DENND4A: variants seen among roughly 807,000 people sequenced by gnomAD.
DENND4A encodes C-myc promoter-binding protein.
Under a neutral mutation model 199.3 loss-of-function variants are expected in DENND4A, and 70 were observed. The observed-to-expected ratio is 0.35, with a 90% CI of 0.29 to 0.43. DENND4A has a LOEUF of 0.43. DENND4A is among the 20% of genes least tolerant of loss of function. The pLI, the probability that DENND4A is intolerant of heterozygous loss-of-function variation, is 1.00. For missense variants in DENND4A, 1,723 were observed against 2,255.8 expected (o/e 0.76, Z 4.78); for synonymous variants, 686 against 766.9 (o/e 0.89, Z 1.74).
chr15:65,756,672 G>A (rs1163996499), intron 2 of DENND4A, among the ~76,000 whole-genome samples, 200 bp from the exon 3 acceptor site: 1 of 152,166 alleles, frequency 6.6e-6, no homozygotes, highest in Non-Finnish European at 1.5e-5. Flanking sequence ...AAAAGTAATG[G>A]ATGAATTCCC....
intron 24 of DENND4A, among the ~76,000 whole-genome samples, chr15:65,675,369 A>C (rs943084772): frequency 6.6e-6 from 1 of 152,176 alleles, no homozygotes; most frequent in African/African-American, 2.4e-5. Flanking sequence ...CATCTTAAGG[A>C]AAGAAAAACC....
At chr15:65,708,871 G>C (rs769368309) in intron 14 of DENND4A, among the ~76,000 whole-genome samples, 5 of 152,058 alleles carry the variant, frequency 3.3e-5, no homozygotes, top group Non-Finnish European at 7.4e-5. Context: ...AAGAACACAT[G>C]GTTCTTAAAT....
chr15:65,786,233 A>T (rs1482922597), intron 1 of DENND4A, among the ~76,000 whole-genome samples: 1 of 152,250 alleles, frequency 6.6e-6, no homozygotes, highest in Non-Finnish European at 1.5e-5. Flanking sequence ...ATTCACTGGA[A>T]CACTATACAG....
rs1362535499 is a variant in DENND4A, at chr15:65,676,141, A to AAAAAATATATATATATATAT, written c.4369+303_4369+304insATATATATATATATATTTTT. ...AGAAGACAGGGAAGTAATAAGGAAA[A>AAAAAATATATATATATATAT]ATATATATATATATATATATATATA... On this transcript the variant is annotated intron_variant, in intron 24 of 32. Coordinates refer to ENST00000443035, the MANE Select transcript of DENND4A (RefSeq NM_001320835.1). 6.3e-5 allele frequency among the ~76,000 whole-genome samples: 7 copies of AAAAAATATATATATATATAT among 110,464 alleles called. No homozygotes were observed. In the East Asian group the frequency reaches 1.8e-3, roughly 29 times the overall value. 72.5% of individuals were successfully genotyped at this position (110,464 alleles called of 152,430 possible).
intron 1 of DENND4A, among the ~76,000 whole-genome samples, chr15:65,789,255 T>C (rs543607874): frequency 1.3e-5 from 2 of 152,126 alleles, no homozygotes; most frequent in Non-Finnish European, 2.9e-5. Flanking sequence ...GGCACAATCA[T>C]AACTCACTGC....
intron 14 of DENND4A, among the ~76,000 whole-genome samples, chr15:65,706,751 C>T (rs1037840978): frequency 4.6e-5 from 7 of 152,182 alleles, no homozygotes; most frequent in African/African-American, 1.7e-4. Context: ...GCCTTGGCCT[C>T]CCAAAGTGCT....
At chr15:65,673,270 C>A (rs1462077954) in intron 24 of DENND4A, among the ~76,000 whole-genome samples, 1 of 151,862 alleles carries the variant, frequency 6.6e-6, no homozygotes, top group African/African-American at 2.4e-5. Context: ...GAGTTTGAGA[C>A]CAGCCTGGGC....
At chr15:65,735,677 A>C (rs1255496810) in intron 7 of DENND4A, among the ~76,000 whole-genome samples, 3 of 152,210 alleles carry the variant, frequency 2.0e-5, no homozygotes, top group African/African-American at 7.2e-5. Context: ...AACTATACAT[A>C]AATAACTTCT....
intron 2 of DENND4A, among the ~76,000 whole-genome samples, chr15:65,760,391 A>T (rs958329292): frequency 4.6e-5 from 7 of 152,030 alleles, no homozygotes; most frequent in Admixed American, 3.3e-4. Flanking sequence ...CCAGCTACTC[A>T]GGAGGCTGAG....
chr15:65,746,369 C>CTTTTTTTTTTTTTT lies in DENND4A; in HGVS notation c.562-4599_562-4586dup, dbSNP rs573935476. 8.2e-4 allele frequency among the ~76,000 whole-genome samples: 42 copies of CTTTTTTTTTTTTTT among 51,306 alleles called. 5 individuals carry two copies. Among genetic ancestry groups the CTTTTTTTTTTTTTT allele is most frequent in the Non-Finnish European group, 1.0e-3 (28 of 27,576 alleles). 33.7% of individuals were successfully genotyped at this position (51,306 alleles called of 152,430 possible). A position where few individuals can be genotyped will look rare whatever the true frequency, so the allele number is the denominator to read the frequency against. ...CTTGTTAACAATTCTACTTTTTTCT[C>CTTTTTTTTTTTTTT]TTTTTTTTTTTTTTTTTTTTTTTTT... On this transcript the variant is annotated intron_variant, in intron 4 of 32. Coordinates refer to ENST00000443035, the MANE Select transcript of DENND4A (RefSeq NM_001320835.1).
chr15:65,791,508 C>CCG (rs921540813), intron 1 of DENND4A, among the ~76,000 whole-genome samples: 3 of 151,570 alleles, frequency 2.0e-5, no homozygotes, highest in Non-Finnish European at 2.9e-5. Context: ...TGGACGCTGG[C>CCG]CGCGCTCACG....
intron 20 of DENND4A, among the ~76,000 whole-genome samples, chr15:65,697,918 G>A (rs924095094): frequency 3.9e-5 from 6 of 152,002 alleles, no homozygotes; most frequent in Admixed American, 2.0e-4. Context: ...ACAAATACAT[G>A]GGAATGAGAT....
intron 14 of DENND4A, among the ~76,000 whole-genome samples, chr15:65,713,027 C>T (rs556617901): frequency 1.3e-5 from 2 of 152,210 alleles, no homozygotes; most frequent in Non-Finnish European, 2.9e-5. Flanking sequence ...AAGACATTCT[C>T]CTACAGAAAT....
intron 11 of DENND4A, among the ~76,000 whole-genome samples, chr15:65,726,780 A>G (rs956989267): frequency 1.5e-4 from 23 of 152,018 alleles, no homozygotes; most frequent in Admixed American, 5.2e-4. Flanking sequence ...ACACGGTGAA[A>G]ACCCCTCTCT....
At chr15:65,770,529 C>T (rs1387253309) in intron 1 of DENND4A, among the ~76,000 whole-genome samples, 1 of 152,010 alleles carries the variant, frequency 6.6e-6, no homozygotes, top group Non-Finnish European at 1.5e-5. Context: ...AACTAAATAG[C>T]AAAATGATAT....
intron 2 of DENND4A, among the ~76,000 whole-genome samples, chr15:65,757,975 C>T (rs2076754465): frequency 6.6e-6 from 1 of 151,890 alleles, no homozygotes; most frequent in African/African-American, 2.4e-5. Flanking sequence ...GAGCGAAACT[C>T]TATCTCAAAA....
intron 11 of DENND4A, chr15:65,726,120 TAGTA>T (rs995511765): frequency 2.6e-5 from 4 of 151,998 alleles, no homozygotes; most frequent in African/African-American, 9.7e-5. Context: ...AAAGAAAAAA[TAGTA>T]AGTAGGAAGA....
chr15:65,784,911 C>A (rs757912446), intron 1 of DENND4A, among the ~76,000 whole-genome samples: 20 of 151,768 alleles, frequency 1.3e-4, no homozygotes, highest in Admixed American at 3.9e-4. Flanking sequence ...ACTTTGGGAG[C>A]CTGAGGCGGG....
chr15:65,761,907 C>T (rs1196531434), intron 1 of DENND4A, among the ~76,000 whole-genome samples: 1 of 152,168 alleles, frequency 6.6e-6, no homozygotes, highest in East Asian at 1.9e-4. Flanking sequence ...CCCAAAAGTA[C>T]TTTCCCTTTA....
Sources: gnomAD v4.1 joint callset for allele counts (sites outside exome capture counted in the v4.1 genomes callset) on GRCh38, gnomAD v4.1.1 for gene constraint, MANE v1.5 for transcripts, NCBI Gene and HGNC (gene_info 2026-07-23, HGNC 2026-07-21) for gene names.